Variants in ASIC2 observed in about 807,000 individuals in gnomAD.
The protein encoded by ASIC2 is acid sensing ion channel subunit 2.
ASIC2 carries 25 observed loss-of-function variants against 57.3 expected under a neutral mutation model. The observed-to-expected ratio is 0.44, with a 90% CI of 0.32 to 0.61. ASIC2 has a LOEUF of 0.61. Ranked by LOEUF, ASIC2 falls within the 20% of genes least tolerant of loss-of-function variation. ASIC2 has a pLI of 0.06. For missense variants in ASIC2, 641 were observed against 738.1 expected (o/e 0.87, Z 1.52); for synonymous variants, 319 against 307.5 (o/e 1.04, Z -0.39).
chr17:33,320,905 C>A (rs752760781), intron 1 of ASIC2, among the ~76,000 whole-genome samples: 9 of 152,156 alleles, frequency 5.9e-5, no homozygotes, highest in Non-Finnish European at 1.3e-4. Context: ...ACCCTGAGGT[C>A]CTGTAGGCAG....
chr17:34,156,464 G>A lies in ASIC2; in HGVS notation c.69C>T (p.Thr23=). 6.2e-7 allele frequency: 1 copy of A among 1,614,036 alleles called. No individual in the cohort carries two copies. The highest frequency in any genetic ancestry group is 8.5e-7 in the Non-Finnish European group (1 of 1,179,922). The change falls in exon 1 of 10, where the codon ACC becomes ACT. Residue 23 remains threonine, a synonymous_variant. Transcript: ENST00000359872. The surrounding 1 kb of genome is among the most constrained non-coding windows in gnomAD (Gnocchi z 4.4). ...TGTGGCGGATGCCATGGAGGGTGGA[G>A]GTGTTGGCAAAGATCTGGATGCTAG...
chr17:34,134,359 C>A (rs1352101577), intron 1 of ASIC2, among the ~76,000 whole-genome samples: 1 of 152,206 alleles, frequency 6.6e-6, no homozygotes, highest in Non-Finnish European at 1.5e-5. Flanking sequence ...CAGAAAGGGG[C>A]CACATTGTCC....
chr17:33,696,938 G>T (rs1044024815), intron 1 of ASIC2, among the ~76,000 whole-genome samples: 1 of 152,168 alleles, frequency 6.6e-6, no homozygotes, highest in African/African-American at 2.4e-5. Context: ...AATATTGGAC[G>T]TGGGGCCTGG....
Position 33,383,048 on chromosome 17 carries a change from C to CAAACAAA in ASIC2, c.556-270982_556-270981insTTTGTTT, listed in dbSNP as rs1279608624. On this transcript the variant is annotated intron_variant, in intron 1 of 9. Coordinates refer to the ASIC2 transcript ENST00000359872. The stretch of plus-strand genomic sequence containing the variant: ...TATAAAAAACAAACAAACAAACAAA[C>CAAACAAA]AAACACCACACACAAAAAAACAAAC... Among the ~76,000 whole-genome samples, 3 of 151,808 alleles carry CAAACAAA rather than the reference C, an allele frequency of 2.0e-5. 1 individual carries two copies. The South Asian group carries it at 6.3e-4, about 32-fold the overall frequency.
intron 1 of ASIC2, among the ~76,000 whole-genome samples, chr17:33,460,657 A>C (rs1912605518): frequency 6.6e-6 from 1 of 152,196 alleles, no homozygotes; most frequent in African/African-American, 2.4e-5. Context: ...ATTCTGTAGG[A>C]GCTAATATTT....
At chr17:33,941,614 G>C (rs1421989521) in intron 1 of ASIC2, among the ~76,000 whole-genome samples, 1 of 152,180 alleles carries the variant, frequency 6.6e-6, no homozygotes, top group Non-Finnish European at 1.5e-5. Flanking sequence ...TTCTCCACTG[G>C]GGGCAAAGAA....
At chr17:33,082,436 C>A (rs1413473280) in intron 3 of ASIC2, among the ~76,000 whole-genome samples, 1 of 152,088 alleles carries the variant, frequency 6.6e-6, no homozygotes, top group East Asian at 1.9e-4. Flanking sequence ...TGGTGGCTTA[C>A]ACCTATAATC....
chr17:33,641,138 A>T (rs1906550693), intron 1 of ASIC2, among the ~76,000 whole-genome samples: 1 of 152,004 alleles, frequency 6.6e-6, no homozygotes, highest in Non-Finnish European at 1.5e-5. Context: ...CTCCATGGAG[A>T]CATCTGTTCC....
intron 1 of ASIC2, among the ~76,000 whole-genome samples, chr17:34,057,766 T>C (rs1328566215): frequency 6.6e-6 from 1 of 152,168 alleles, no homozygotes; most frequent in Non-Finnish European, 1.5e-5. Context: ...AAGTTCAGAC[T>C]ATGAGAGAGT....
At chr17:33,154,444 C>A (rs1284190108) in intron 1 of ASIC2, among the ~76,000 whole-genome samples, 1 of 152,156 alleles carries the variant, frequency 6.6e-6, no homozygotes, top group Non-Finnish European at 1.5e-5. Context: ...AATGCTTCCC[C>A]AACAATATCA....
chr17:33,016,722 C>T (rs1005445389), intron 8 of ASIC2, among the ~76,000 whole-genome samples: 1 of 151,954 alleles, frequency 6.6e-6, no homozygotes, highest in Non-Finnish European at 1.5e-5. Flanking sequence ...ATGAACAGCC[C>T]CCTCCGAGAG....
intron 1 of ASIC2, among the ~76,000 whole-genome samples, chr17:33,191,388 A>G (rs1033851504): frequency 2.6e-5 from 4 of 151,828 alleles, no homozygotes; most frequent in Admixed American, 1.3e-4. Flanking sequence ...GGGTAATGGA[A>G]TTTTTTTCTT....
At chr17:34,112,548 C>CACTCTTTG (rs1911307977) in intron 1 of ASIC2, among the ~76,000 whole-genome samples, 1 of 152,022 alleles carries the variant, frequency 6.6e-6, no homozygotes, top group Non-Finnish European at 1.5e-5. Context: ...ACAAGAAACT[C>CACTCTTTG]ACTCTTTGAC....
intron 1 of ASIC2, among the ~76,000 whole-genome samples, chr17:33,783,311 T>G (rs930008122): frequency 3.3e-5 from 5 of 152,250 alleles, no homozygotes; most frequent in African/African-American, 1.2e-4. Context: ...TGACACTTAC[T>G]AATCCTGGTG....
At position 33,472,041 on chromosome 17, in the gene ASIC2, C is replaced by T. The variant is rs563762177; in HGVS notation, c.556-359974G>A. 1.7e-4 allele frequency among the ~76,000 whole-genome samples: 24 copies of T among 141,180 alleles called. No individual in the cohort carries two copies. The East Asian group carries it at 2.7e-3, about 16-fold the overall frequency. 92.6% of individuals were successfully genotyped at this position (141,180 alleles called of 152,430 possible). ...TTTTCTTTTTTTTTTTTTTTTGATA[C>T]GGAGTTTTGCTCTTGTCATCCAGGC... On this transcript the variant is annotated intron_variant, in intron 1 of 9. Coordinates refer to the ASIC2 transcript ENST00000359872.
intron 1 of ASIC2, among the ~76,000 whole-genome samples, chr17:33,287,303 C>T (rs1457926993): frequency 6.6e-6 from 1 of 152,236 alleles, no homozygotes; most frequent in Non-Finnish European, 1.5e-5. Flanking sequence ...CTGGCACTCT[C>T]CCCTGAACCA....
At chr17:33,207,675 A>C (rs941711436) in intron 1 of ASIC2, among the ~76,000 whole-genome samples, 1 of 152,186 alleles carries the variant, frequency 6.6e-6, no homozygotes, top group African/African-American at 2.4e-5. Context: ...CCCCGTTTCC[A>C]ACCATCGGCA....
chr17:34,038,722 T>G, intron 1 of ASIC2: 1 of 1,605,890 alleles, frequency 6.2e-7, no homozygotes, highest in South Asian at 1.1e-5. Flanking sequence ...TGAAGATTTC[T>G]TCTTGTTCAT....
intron 1 of ASIC2, among the ~76,000 whole-genome samples, chr17:33,749,704 C>A (rs1292663123): frequency 6.6e-6 from 1 of 152,112 alleles, no homozygotes; most frequent in Non-Finnish European, 1.5e-5. Context: ...CTTGCCCCGG[C>A]CTGACACAGC....
Sources: gnomAD v4.1 joint callset for allele counts (sites outside exome capture counted in the v4.1 genomes callset) on GRCh38, gnomAD v4.1.1 for gene constraint, Gnocchi (gnomAD v3.1) non-coding constraint, MANE v1.5 for transcripts, NCBI Gene and HGNC (gene_info 2026-07-23, HGNC 2026-07-21) for gene names.